Variants in AZIN2 observed in about 807,000 individuals in gnomAD.
AZIN2 encodes ODC antizyme inhibitor-2.
In AZIN2, 28 loss-of-function variants were observed where a neutral mutation model predicts 47.8. The ratio of observed to expected loss-of-function variants is 0.59; its 90% confidence interval spans 0.43 to 0.80. The LOEUF is 0.80. Among genes scored for constraint, AZIN2 ranks in the 30% least tolerant of loss-of-function variants. AZIN2 has a pLI of 0.00. For missense variants in AZIN2, 535 were observed against 582.5 expected, an observed-to-expected ratio of 0.92 and a Z score of 0.84; for synonymous variants, 221 against 239.4, an observed-to-expected ratio of 0.92 and a Z score of 0.71.
intron 10 of AZIN2, among the ~76,000 whole-genome samples, chr1:33,116,943 A>T (rs1644571833): frequency 6.6e-6 from 1 of 152,240 alleles, no homozygotes; most frequent in Non-Finnish European, 1.5e-5. Flanking sequence ...CAGAGGGCAC[A>T]GTCATCATCA....
intron 5 of AZIN2, among the ~76,000 whole-genome samples, chr1:33,087,650 C>T (rs1642071376): frequency 1.3e-5 from 2 of 151,810 alleles, no homozygotes; most frequent in South Asian, 4.2e-4. Flanking sequence ...GTTGGCCAGG[C>T]TGGTCTTGAA....
chr1:33,144,135 C>CTTTTTT, the AZIN2 span, among the ~76,000 whole-genome samples: 12 of 146,570 alleles, frequency 8.2e-5, no homozygotes, highest in East Asian at 2.0e-4. Flanking sequence ...AATGTTACTT[C>CTTTTTT]TTTTTTTTTT....
intron 4 of AZIN2, chr1:33,082,635 C>T (rs1340453213): frequency 6.4e-6 from 2 of 313,140 alleles, no homozygotes; most frequent in Non-Finnish European, 1.2e-5. Flanking sequence ...CATTACCAAG[C>T]TCTGTGAATT....
At chr1:33,131,491 TA>T in the AZIN2 span, among the ~76,000 whole-genome samples, 2 of 152,230 alleles carry the variant, frequency 1.3e-5, no homozygotes, top group Non-Finnish European at 2.9e-5. Flanking sequence ...GAATGTGTTA[TA>T]AGTGTAAAAT....
rs202121913 is a variant in AZIN2, at chr1:33,096,735, A to G, written c.782A>G (p.Asp261Gly). Residue 261 changes from aspartate to glycine, a missense_variant, in exon 9 of 12, where the codon GAC becomes GGC. Around this residue, in one of 3 missense-constraint regions of AZIN2, gnomAD observed 409 missense variants for 429.0 expected, o/e 0.95. Transcript: ENST00000294517. ...EIASVINSAL[D>G]LYFPEGCGVD... ...GCTTCCGTGATCAACTCAGCCTTGGACCTGTACTTCCCAGAGGGCTGTGGC... is the reference window on the plus strand; with the variant it reads ...GCTTCCGTGATCAACTCAGCCTTGGGCCTGTACTTCCCAGAGGGCTGTGGC... 32 of 1,614,204 alleles carry G rather than the reference A, an allele frequency of 2.0e-5. No homozygotes were observed. The African/African-American group carries it at 3.7e-4, about 19-fold the overall frequency.
At chr1:33,115,060 A>T (rs1188070220) in intron 10 of AZIN2, among the ~76,000 whole-genome samples, 1 of 152,190 alleles carries the variant, frequency 6.6e-6, no homozygotes, top group Non-Finnish European at 1.5e-5. Context: ...GTGCCTTTGA[A>T]GAAGGCAGCT....
chr1:33,146,853 G>T, the AZIN2 span: 1 of 354,488 alleles, frequency 2.8e-6, no homozygotes, highest in South Asian at 3.4e-5. Flanking sequence ...CTGGGCTGGA[G>T]GGAGACACTG....
At chr1:33,126,488 A>T (rs921319396), downstream of AZIN2, among the ~76,000 whole-genome samples, 1 of 152,168 alleles carries the variant, frequency 6.6e-6, no homozygotes, top group Non-Finnish European at 1.5e-5. Flanking sequence ...CAGAGTAGAC[A>T]CTTAGTGTCT....
chr1:33,109,013 T>C (rs962499443), intron 10 of AZIN2, among the ~76,000 whole-genome samples: 1 of 152,222 alleles, frequency 6.6e-6, no homozygotes, highest in African/African-American at 2.4e-5. Context: ...TTCTTGTTGC[T>C]CCACATCCAC....
intron 8 of AZIN2, among the ~76,000 whole-genome samples, chr1:33,096,071 C>T (rs995571065): frequency 1.2e-4 from 18 of 152,172 alleles, no homozygotes; most frequent in African/African-American, 4.3e-4. Context: ...TTCCTGACCT[C>T]AAGTGATCTG....
chr1:33,122,619 C>T lies in AZIN2; in HGVS notation c.*2437C>T, dbSNP rs535789669. Among the ~76,000 whole-genome samples, 4 of 152,286 alleles carry T rather than the reference C, an allele frequency of 2.6e-5. No individual in the cohort carries two copies. The highest frequency in any genetic ancestry group is 9.6e-5 in the African/African-American group (4 of 41,564). ...CCCCTGGCTGCATGGGCACTGCCTC[C>T]TCCAAGCTCCCTGCTGAGCGACCCA... On this transcript the variant is annotated 3_prime_UTR_variant, in exon 12 of 12. Transcript: ENST00000294517.
At chr1:33,125,484 C>T (rs1015875339), downstream of AZIN2, among the ~76,000 whole-genome samples, 4 of 152,206 alleles carry the variant, frequency 2.6e-5, no homozygotes, top group Admixed American at 6.5e-5. Flanking sequence ...TCCAAGTCTT[C>T]GCCTTTGCTG....
intron 10 of AZIN2, among the ~76,000 whole-genome samples, chr1:33,100,059 AG>A (rs1643549465): frequency 6.6e-6 from 1 of 152,240 alleles, no homozygotes; most frequent in East Asian, 1.9e-4. Context: ...TGGTGGCTCA[AG>A]CCTGTAATCT....
chr1:33,160,890 C>A, the AZIN2 span, among the ~76,000 whole-genome samples: 1 of 152,216 alleles, frequency 6.6e-6, no homozygotes, highest in Admixed American at 6.5e-5. Context: ...TGTTTATAGA[C>A]AGGATCAGGG....
chr1:33,103,925 C>G (rs996864562), intron 10 of AZIN2, among the ~76,000 whole-genome samples: 3 of 151,628 alleles, frequency 2.0e-5, no homozygotes, highest in African/African-American at 7.3e-5. Flanking sequence ...CTCTGTCACC[C>G]AGGCTGGAGT....
At chr1:33,145,733 G>A in the AZIN2 span, 1 of 385,010 alleles carries the variant, frequency 2.6e-6, no homozygotes, top group South Asian at 2.0e-5. Context: ...CCACCTCTGG[G>A]CAGGGATAGA....
At chr1:33,123,954 C>T (rs555802642), downstream of AZIN2, among the ~76,000 whole-genome samples, 54 of 151,986 alleles carry the variant, frequency 3.6e-4, 2 homozygotes, top group South Asian at 8.1e-3. Context: ...TGAGATCACA[C>T]CACTACACTC....
the AZIN2 span, chr1:33,160,024 C>T: frequency 1.3e-6 from 2 of 1,548,984 alleles, no homozygotes; most frequent in Non-Finnish European, 1.7e-6. Flanking sequence ...AATCGAGAGC[C>T]TTGACACACA....
At chr1:33,086,345 T>C (rs1463565577) in intron 5 of AZIN2, among the ~76,000 whole-genome samples, 2 of 152,182 alleles carry the variant, frequency 1.3e-5, no homozygotes, top group African/African-American at 4.8e-5. Context: ...CCTTGGACTC[T>C]GTTTTTTCCA....
Sources: gnomAD v4.1 joint callset for allele counts (sites outside exome capture counted in the v4.1 genomes callset) on GRCh38, gnomAD v4.1.1 for gene constraint, gnomAD v4.1.1 regional missense constraint, MANE v1.5 for transcripts, NCBI Gene and HGNC (gene_info 2026-07-23, HGNC 2026-07-21) for gene names.